Variants in STK33 observed in about 807,000 individuals in gnomAD.
The protein encoded by STK33 is serine/threonine kinase 33.
STK33 carries 52 observed loss-of-function variants against 58.0 expected under a neutral mutation model. The ratio of observed to expected loss-of-function variants is 0.90; its 90% CI spans 0.72 to 1.13. The LOEUF (loss-of-function observed/expected upper bound fraction) is 1.13, where lower values mean the gene tolerates loss of function less well. Ranked by LOEUF, STK33 falls within the 50% of genes most tolerant of loss-of-function variation. STK33 has a pLI of 0.00. For missense variants in STK33, 630 were observed against 604.2 expected, an observed-to-expected ratio of 1.04 and a Z score of -0.45; for synonymous variants, 215 against 200.1, an observed-to-expected ratio of 1.07 and a Z score of -0.63.
chr11:8,369,295 C>CTGTGTGTGTGTGTGTG, the STK33 span, among the ~76,000 whole-genome samples: 536 of 137,736 alleles, frequency 3.9e-3, 1 homozygote, highest in South Asian at 1.0e-2. Context: ...GGTTTTTACT[C>CTGTGTGTGTGTGTGTG]TGTGTGTGTG....
At chr11:8,362,539 AT>A in the STK33 span, among the ~76,000 whole-genome samples, 3 of 152,244 alleles carry the variant, frequency 2.0e-5, no homozygotes, top group African/African-American at 7.2e-5. Flanking sequence ...GTCAGCATAT[AT>A]TTGAAAATGT....
chr11:8,397,349 C>T (rs576115525), intron 15 of STK33, among the ~76,000 whole-genome samples: 28 of 152,358 alleles, frequency 1.8e-4, no homozygotes, highest in African/African-American at 6.7e-4. Flanking sequence ...CCCAGGCAAA[C>T]AGGGTCTGGA....
Position 8,440,661 on chromosome 11 carries a change from T to C in STK33, c.947+17A>G, listed in dbSNP as rs1009995707. 35 of 1,552,698 alleles carry C rather than the reference T, an allele frequency of 2.3e-5. No homozygotes were observed. The highest frequency in any genetic ancestry group is 1.6e-4 in the African/African-American group (12 of 73,530). On this transcript the variant is annotated intron_variant, in intron 12 of 15. Transcript: ENST00000687296. The stretch of plus-strand genomic sequence containing the variant: ...CTATCCACTCATCTTAAAGTGTACA[T>C]TTAGCAGGCTACTTACAACATGTAC...
At chr11:8,344,719 G>C in the STK33 span, among the ~76,000 whole-genome samples, 20 of 152,326 alleles carry the variant, frequency 1.3e-4, no homozygotes, top group African/African-American at 4.8e-4. Context: ...GGTGTGGAAA[G>C]TACTTGGGCC....
the STK33 span, among the ~76,000 whole-genome samples, chr11:8,364,387 T>C: frequency 1.3e-5 from 2 of 152,258 alleles, no homozygotes; most frequent in African/African-American, 2.4e-5. Flanking sequence ...GTTTCTAAAC[T>C]GAAGACAAAG....
chr11:8,462,034 AT>A (rs1310869806), intron 7 of STK33, 125 bp from the exon 8 acceptor site: 6 of 598,436 alleles, frequency 1.0e-5, no homozygotes, highest in Non-Finnish European at 1.6e-5. Context: ...GAATTCATAC[AT>A]TTTTTGAGAT....
intron 1 of STK33, among the ~76,000 whole-genome samples, chr11:8,565,549 A>C (rs1957392907): frequency 6.6e-6 from 1 of 152,238 alleles, no homozygotes; most frequent in African/African-American, 2.4e-5. Context: ...AAACTCATTC[A>C]GCCTCAGTCA....
chr11:8,488,855 G>C (rs1358632177), intron 1 of STK33, among the ~76,000 whole-genome samples: 1 of 152,170 alleles, frequency 6.6e-6, no homozygotes, highest in East Asian at 1.9e-4. Context: ...GGAAAACAAA[G>C]TAATCAGTGG....
chr11:8,498,177 C>A (rs1432595214), intron 1 of STK33, among the ~76,000 whole-genome samples: 2 of 151,704 alleles, frequency 1.3e-5, no homozygotes, highest in African/African-American at 4.8e-5. Context: ...TGACAAAAAC[C>A]AATAACCTAT....
chr11:8,430,313 C>T (rs969818895), intron 14 of STK33, among the ~76,000 whole-genome samples: 9 of 152,240 alleles, frequency 5.9e-5, no homozygotes, highest in Non-Finnish European at 8.8e-5. Context: ...CCGACTCCTA[C>T]ATGAATTTCT....
At chr11:8,545,429 A>T (rs1027337346) in intron 1 of STK33, among the ~76,000 whole-genome samples, 1 of 152,226 alleles carries the variant, frequency 6.6e-6, no homozygotes, top group Non-Finnish European at 1.5e-5. Context: ...AAATATAAAT[A>T]TCCCAATCAA....
Position 8,450,556 on chromosome 11 carries a change from A to T in STK33, c.871+2266T>A, listed in dbSNP as rs144110529. 2.7e-3 allele frequency among the ~76,000 whole-genome samples: 410 copies of T among 152,238 alleles called. 2 individuals are homozygous for T. Among genetic ancestry groups the T allele is most frequent in the African/African-American group, 9.3e-3 (387 of 41,518 alleles). On this transcript the variant is annotated intron_variant, in intron 11 of 15. Transcript: ENST00000687296. Reference sequence around the variant, plus strand: ...TGTATCTTAGAACTTAAAGTATAATAATAAAAAAAAGTTCATGATCATAAT... The same window carrying T: ...TGTATCTTAGAACTTAAAGTATAATTATAAAAAAAAGTTCATGATCATAAT...
the STK33 span, among the ~76,000 whole-genome samples, chr11:8,351,886 G>A: frequency 0.047 from 7,137 of 152,272 alleles, 200 homozygotes; most frequent in East Asian, 0.074. Flanking sequence ...AGGGCTCCCC[G>A]CCCAGGGGCC....
In STK33 at chr11:8,473,275, G is replaced by A. The variant is rs1948958163; in HGVS notation, c.227C>T (p.Pro76Leu). The change falls in exon 6 of 16, where the codon CCC (proline) becomes CTC (leucine). Residue 76 changes from proline (P) to leucine (L), a missense_variant and splice_region_variant. Transcript: ENST00000687296. ...NRDITSRKDL[P>L]SRTSNVERKA... ...TCTCTCTACATTTGAGGTTCTTGAG[G>A]GCTGGGACCAAAAAAAAAATTAAAA... 2 of 1,569,510 alleles carry A rather than the reference G, an allele frequency of 1.3e-6. No individual in the cohort carries two copies. Among genetic ancestry groups the A allele is most frequent in the South Asian group, 1.2e-5 (1 of 84,074 alleles).
At chr11:8,433,254 A>G (rs1380310858) in intron 14 of STK33, among the ~76,000 whole-genome samples, 1 of 134,214 alleles carries the variant, frequency 7.5e-6, no homozygotes. Context: ...TAGCCCTTAA[A>G]GAAAAAAAAA....
chr11:8,367,752 G>A, the STK33 span, among the ~76,000 whole-genome samples: 171 of 152,262 alleles, frequency 1.1e-3, 1 homozygote, highest in Middle Eastern at 0.014. Context: ...TTGGTAGCTT[G>A]CCCAAAGGCA....
At chr11:8,452,975 A>C in intron 10 of STK33, 69 bp from the exon 11 acceptor site, 1 of 1,315,336 alleles carries the variant, frequency 7.6e-7, no homozygotes, top group Non-Finnish European at 1.1e-6. Context: ...TGAAGATAAG[A>C]CTTCACATTG....
At chr11:8,351,656 G>A in the STK33 span, among the ~76,000 whole-genome samples, 2 of 152,240 alleles carry the variant, frequency 1.3e-5, no homozygotes, top group Admixed American at 1.3e-4. Flanking sequence ...GCCTTCTCGG[G>A]GCAGGCCCCA....
chr11:8,338,264 G>GC, the STK33 span, among the ~76,000 whole-genome samples: 12 of 152,196 alleles, frequency 7.9e-5, no homozygotes, highest in African/African-American at 2.9e-4. Context: ...AGGATGCCCA[G>GC]CCCCGATCCT....
Sources: allele counts gnomAD v4.1 joint callset (sites outside exome capture counted in the v4.1 genomes callset), GRCh38; gene constraint gnomAD v4.1.1; transcripts MANE v1.5; gene names NCBI Gene and HGNC (gene_info 2026-07-23, HGNC 2026-07-21).